KITLG: variants seen among roughly 807,000 people sequenced by gnomAD.
KITLG encodes the protein c-Kit ligand.
A neutral mutation model predicts 34.1 loss-of-function variants in KITLG; 13 were observed. The ratio of observed to expected loss-of-function variants is 0.38; its 90% CI spans 0.25 to 0.61. The LOEUF is 0.61. KITLG is among the 20% of genes least tolerant of loss of function. The probability of loss-of-function intolerance (pLI) is 0.60; values close to 1 mark genes in which losing one functional copy is unlikely to be tolerated. For synonymous variants in KITLG, 110 were observed against 104.0 expected, an observed-to-expected ratio of 1.06 and a Z score of -0.35; for missense variants, 292 against 318.9, an observed-to-expected ratio of 0.92 and a Z score of 0.64.
In KITLG at chr12:88,515,597, T is replaced by C; in HGVS notation, c.541A>G (p.Lys181Glu). 10 of 1,610,396 alleles carry C rather than the reference T, an allele frequency of 6.2e-6. No homozygotes were observed. Among genetic ancestry groups the C allele is most frequent in the Non-Finnish European group, 8.5e-6 (10 of 1,177,142 alleles). ...PEKDSRVSVTKPFMLPPVAAS... is the reference protein window; with the variant it reads ...PEKDSRVSVTEPFMLPPVAAS... ...GCAACAGGGGGTAACATAAATGGTT[T>C]TGTGACACTGACTCTGGAATCTAAA... The change falls in exon 6 of 10, where the codon AAA becomes GAA. Residue 181 changes from lysine to glutamate, a missense_variant. Physicochemically the swap from Lys to Glu is moderately conservative, Grantham distance 56. Coordinates refer to ENST00000644744, the MANE Select transcript of KITLG (RefSeq NM_000899.5).
chr12:88,554,495 A>G (rs960173078), intron 1 of KITLG, among the ~76,000 whole-genome samples: 2 of 152,196 alleles, frequency 1.3e-5, no homozygotes, highest in Non-Finnish European at 2.9e-5. Flanking sequence ...TTAATCCTGC[A>G]TACCAGCTAT....
At chr12:88,570,588 C>T (rs554524868) in intron 1 of KITLG, among the ~76,000 whole-genome samples, 9 of 151,534 alleles carry the variant, frequency 5.9e-5, no homozygotes, top group Non-Finnish European at 1.3e-4. Flanking sequence ...TGTATGCATG[C>T]GTGTCTATAT....
At chr12:88,514,479 G>A (rs1357401282) in intron 6 of KITLG, among the ~76,000 whole-genome samples, 6 of 151,556 alleles carry the variant, frequency 4.0e-5, no homozygotes, top group South Asian at 4.1e-4. Flanking sequence ...GATATGCTAC[G>A]TAATTTAGAA....
chr12:88,541,460 A>G (rs77839515), intron 2 of KITLG, among the ~76,000 whole-genome samples: 2,521 of 152,318 alleles, frequency 0.017, 80 homozygotes, highest in East Asian at 0.13. Context: ...ATGAAGAAAC[A>G]AAGTCGTCAC....
chr12:88,576,120 T>C (rs1036475251), intron 1 of KITLG, among the ~76,000 whole-genome samples: 12 of 152,172 alleles, frequency 7.9e-5, no homozygotes. Flanking sequence ...AGTGTAGAAA[T>C]ATGAAACTGA....
chr12:88,521,810 C>T (rs530421822), intron 3 of KITLG, among the ~76,000 whole-genome samples: 4 of 152,138 alleles, frequency 2.6e-5, no homozygotes, highest in Non-Finnish European at 5.9e-5. Flanking sequence ...TTCTTACCTT[C>T]TTTCTTGATA....
intron 2 of KITLG, chr12:88,534,672 C>T (rs1566026101): frequency 1.9e-6 from 1 of 513,400 alleles, no homozygotes; most frequent in South Asian, 1.4e-5. Flanking sequence ...CATTCCATTG[C>T]TGCTTATTGA....
At chr12:88,518,038 G>A (rs1869515738) in intron 4 of KITLG, among the ~76,000 whole-genome samples, 1 of 152,008 alleles carries the variant, frequency 6.6e-6, no homozygotes, top group Non-Finnish European at 1.5e-5. Flanking sequence ...TGCTAGGTAG[G>A]GTGTTAAAGT....
At chr12:88,572,340 T>C (rs1871678170) in intron 1 of KITLG, among the ~76,000 whole-genome samples, 1 of 151,840 alleles carries the variant, frequency 6.6e-6, no homozygotes, top group African/African-American at 2.4e-5. Context: ...TAAATTAAAA[T>C]TAGCTACAGT....
intron 3 of KITLG, among the ~76,000 whole-genome samples, chr12:88,526,151 A>C (rs1326882331): frequency 1.3e-5 from 2 of 152,200 alleles, no homozygotes; most frequent in African/African-American, 4.8e-5. Context: ...CATGAACATT[A>C]GGTTCAGGAA....
At chr12:88,539,357 T>C (rs1016224937) in intron 2 of KITLG, among the ~76,000 whole-genome samples, 3 of 152,156 alleles carry the variant, frequency 2.0e-5, no homozygotes, top group African/African-American at 7.2e-5. Context: ...GGAAAGAGTC[T>C]ATGATTTTCA....
At chr12:88,579,829 C>T (rs1248475545) in intron 1 of KITLG, among the ~76,000 whole-genome samples, 1 of 152,170 alleles carries the variant, frequency 6.6e-6, no homozygotes, top group Non-Finnish European at 1.5e-5. Flanking sequence ...CGGGGCTACA[C>T]AAATAAATCT....
chr12:88,521,912 GTTA>G (rs772039306), intron 3 of KITLG, among the ~76,000 whole-genome samples: 47 of 152,116 alleles, frequency 3.1e-4, no homozygotes, highest in Non-Finnish European at 6.2e-4. Context: ...CTTATAACAT[GTTA>G]TTATTCTAGA....
chr12:88,507,101 T>C lies in KITLG; in HGVS notation c.641A>G (p.His214Arg), dbSNP rs141028405. ...AKNPPGDSSL[H>R]WAAMALPALF... Reference sequence around the variant, plus strand: ...TGCTGGCAATGCCATGGCTGCCCAGTGTAGGCTGGAGTCTCCAGGGGGATT... The same window carrying C: ...TGCTGGCAATGCCATGGCTGCCCAGCGTAGGCTGGAGTCTCCAGGGGGATT... Residue 214 changes from histidine (H) to arginine (R), a missense_variant, in exon 7 of 10, where the codon CAC (histidine) becomes CGC (arginine). His to Arg is a conservative substitution (Grantham distance 29, BLOSUM62 0). This residue lies in a region of KITLG where 140 missense variants were observed against 111.0 expected (regional missense o/e 1.26). Transcript: ENST00000644744. 1 of 1,613,696 alleles carries C rather than the reference T, an allele frequency of 6.2e-7. No individual in the cohort carries two copies. Among genetic ancestry groups the C allele is most frequent in the African/African-American group, 1.3e-5 (1 of 74,936 alleles).
chr12:88,569,363 G>A (rs1349897095), intron 1 of KITLG, among the ~76,000 whole-genome samples: 1 of 152,124 alleles, frequency 6.6e-6, no homozygotes, highest in Non-Finnish European at 1.5e-5. Context: ...GGACAAAAGT[G>A]AATTTGAGGC....
At chr12:88,502,129 A>G (rs936711050) in intron 9 of KITLG, among the ~76,000 whole-genome samples, 13 of 152,184 alleles carry the variant, frequency 8.5e-5, no homozygotes, top group Non-Finnish European at 1.8e-4. Flanking sequence ...CGAGTAAGGC[A>G]CTTTGTGAAG....
intron 1 of KITLG, among the ~76,000 whole-genome samples, chr12:88,547,005 C>G (rs1012155583): frequency 1.4e-4 from 21 of 152,110 alleles, no homozygotes; most frequent in African/African-American, 4.8e-4. Flanking sequence ...ACAAGGAGGA[C>G]TTGCAAGGGC....
At chr12:88,563,844 C>T (rs537010428) in intron 1 of KITLG, among the ~76,000 whole-genome samples, 6 of 152,226 alleles carry the variant, frequency 3.9e-5, no homozygotes, top group Middle Eastern at 3.4e-3. Context: ...CACCTGTAAT[C>T]CCAGCTACTA....
At chr12:88,575,565 G>A (rs1369996585) in intron 1 of KITLG, among the ~76,000 whole-genome samples, 1 of 152,136 alleles carries the variant, frequency 6.6e-6, no homozygotes, top group African/African-American at 2.4e-5. Flanking sequence ...AAATCAGAAA[G>A]GCTGCAGTCA....
Sources: gnomAD v4.1 joint callset for allele counts (sites outside exome capture counted in the v4.1 genomes callset) on GRCh38, gnomAD v4.1.1 for gene constraint, gnomAD v4.1.1 regional missense constraint, MANE v1.5 for transcripts, NCBI Gene and HGNC (gene_info 2026-07-23, HGNC 2026-07-21) for gene names.